The following FBN1 variants were observed in gnomAD, a reference collection of about 807,000 sequenced individuals.
The protein encoded by FBN1 is fibrillin-1.
In FBN1, 29 loss-of-function variants were observed where a neutral mutation model predicts 365.1. The observed-to-expected ratio is 0.08, with a 90% CI of 0.06 to 0.11. The LOEUF (loss-of-function observed/expected upper bound fraction) is 0.11. Ranked by LOEUF, FBN1 falls within the 10% of genes least tolerant of loss-of-function variation. The probability of loss-of-function intolerance (pLI) is 1.00; values close to 1 mark genes in which losing one functional copy is unlikely to be tolerated. For missense variants in FBN1, 2,476 were observed against 3,703.2 expected (o/e 0.67, Z 8.60); for synonymous variants, 1,210 against 1,270.5 (o/e 0.95, Z 1.01).
chr15:48,527,275 G>A (rs2043922774), intron 8 of FBN1, among the ~76,000 whole-genome samples: 1 of 152,172 alleles, frequency 6.6e-6, no homozygotes, highest in South Asian at 2.1e-4. Flanking sequence ...ATTCCCTTAG[G>A]ACAAATATGG....
chr15:48,616,923 T>C (rs1409919386), intron 2 of FBN1, among the ~76,000 whole-genome samples: 1 of 152,168 alleles, frequency 6.6e-6, no homozygotes, highest in Non-Finnish European at 1.5e-5. Flanking sequence ...AAAAAAACTA[T>C]GGCTTAAGAA....
At chr15:48,580,846 G>A (rs899965838) in intron 6 of FBN1, among the ~76,000 whole-genome samples, 8 of 152,086 alleles carry the variant, frequency 5.3e-5, no homozygotes, top group African/African-American at 1.4e-4. Context: ...AGAGATAAAC[G>A]AAAGCCAATT....
intron 2 of FBN1, among the ~76,000 whole-genome samples, chr15:48,634,751 G>A (rs539511731): frequency 4.9e-5 from 7 of 143,690 alleles, no homozygotes; most frequent in South Asian, 2.3e-4. Flanking sequence ...AAAAGAAGAT[G>A]AAACAATGAT....
In FBN1 at chr15:48,487,078, C is replaced by T. The variant is rs1352765609; in HGVS notation, c.3586G>A (p.Val1196Ile). 8 of 1,592,218 alleles carry T rather than the reference C, an allele frequency of 5.0e-6. No homozygotes were observed. The highest frequency in any genetic ancestry group is 6.0e-6 in the Non-Finnish European group (7 of 1,169,892). Residue 1196 changes from valine to isoleucine, a missense_variant, in exon 29 of 66, where the codon GTT becomes ATT. By Grantham distance (29) the Val-to-Ile change is conservative. Transcript: ENST00000316623. The part of the protein sequence containing the change: ...YHSTPDRLFC[V>I]DIDECSIMNG... ...AATAAAATAAAAAAGAACTTACCAA[C>T]ACAAAATAGCCTATCGGGAGTTGAA... is the stretch of plus-strand genomic sequence containing the variant.
chr15:48,605,663 A>G (rs528828906), intron 4 of FBN1, among the ~76,000 whole-genome samples: 2 of 152,338 alleles, frequency 1.3e-5, no homozygotes, highest in East Asian at 3.9e-4. Context: ...GCTTGAGCTC[A>G]GGAGTTCAAG....
chr15:48,520,794 T>G lies in FBN1; in HGVS notation c.1012A>C (p.Thr338Pro), dbSNP rs2043847393. ...GAGCAGCGCCCGTTTGTCAGAGCTGTGTAACAGTATCCTGGGCGAACATCT... is the reference window on the plus strand; with the variant it reads ...GAGCAGCGCCCGTTTGTCAGAGCTGGGTAACAGTATCCTGGGCGAACATCT... ...CIDVRPGYCY[T>P]ALTNGRCSNQ... The change falls in exon 10 of 66, where the codon ACA (threonine) becomes CCA (proline). Residue 338 changes from threonine to proline, a missense_variant. Coordinates refer to ENST00000316623, the MANE Select transcript of FBN1 (RefSeq NM_000138.5). The G allele has an allele frequency of 6.2e-7, 1 of 1,614,058 alleles. No homozygotes were observed. Among genetic ancestry groups the G allele is most frequent in the Non-Finnish European group, 8.5e-7 (1 of 1,180,046 alleles).
intron 16 of FBN1, 41 bp downstream of exon 16, chr15:48,504,984 G>A (rs772256936): frequency 6.2e-7 from 1 of 1,613,804 alleles, no homozygotes; most frequent in Non-Finnish European, 8.5e-7. Context: ...AGTGACAGAG[G>A]CTGAACCTCT....
At position 48,520,810 on chromosome 15, in the gene FBN1, G is replaced by A; in HGVS notation, c.996C>T (p.Arg332=). 1 of 1,614,114 alleles carries A rather than the reference G, an allele frequency of 6.2e-7. No homozygotes were observed. The highest frequency in any genetic ancestry group is 8.5e-7 in the Non-Finnish European group (1 of 1,180,016). The stretch of plus-strand genomic sequence containing the variant: ...TCAGAGCTGTGTAACAGTATCCTGG[G>A]CGAACATCTGAGGACAAAGAAACAC... ...SPDGTRCIDV[R]PGYCYTALTN... Residue 332 remains arginine (R), a synonymous_variant, in exon 10 of 66, where the codon CGC becomes CGT. Coordinates refer to ENST00000316623, the MANE Select transcript of FBN1 (RefSeq NM_000138.5).
chr15:48,644,617 G>A lies in FBN1; in HGVS notation c.153C>T (p.Asp51=), dbSNP rs1057524406. ...ACCGGTTCCTTTACCCTTTAAGCGC[G>A]TCGTGTCCTCCACCGCCTCTTCTCT... is the stretch of plus-strand genomic sequence containing the variant. ...RAKRRGGGGH[D]ALKGPNVCGS... is the part of the protein sequence containing the mutation. Residue 51 remains aspartate, a synonymous_variant, in exon 2 of 66, where the codon GAC becomes GAT. Transcript: ENST00000316623. 6.2e-7 allele frequency: 1 copy of A among 1,614,120 alleles called. No individual in the cohort carries two copies. Among genetic ancestry groups the A allele is most frequent in the East Asian group, 2.2e-5 (1 of 44,872 alleles).
chr15:48,452,688 C>T lies in FBN1; in HGVS notation c.5423-4G>A, dbSNP rs377036485. 98 of 1,614,022 alleles carry T rather than the reference C, an allele frequency of 6.1e-5. No individual in the cohort carries two copies. The African/African-American group carries it at 1.1e-3, about 18-fold the overall frequency. On this transcript the variant is annotated splice_region_variant and splice_polypyrimidine_tract_variant and intron_variant, in intron 44 of 65. Coordinates refer to ENST00000316623, the MANE Select transcript of FBN1 (RefSeq NM_000138.5). ...CCGTTCTGACACTCGTCAATATCTA[C>T]GAGCAGAAGAGAACTGAATTTGAAG...
rs146469379 is a variant in FBN1, at chr15:48,415,560, G to A, written c.8027C>T (p.Pro2676Leu). 2.3e-5 allele frequency: 37 copies of A among 1,614,104 alleles called. No individual in the cohort carries two copies. The African/African-American group carries it at 4.0e-4, about 17-fold the overall frequency. The change falls in exon 64 of 66, where the codon CCT (proline) becomes CTT (leucine). Residue 2676 changes from proline to leucine, a missense_variant. By Grantham distance (98) the Pro-to-Leu change is moderately conservative. Transcript: ENST00000316623. Reference sequence around the variant, plus strand: ...CCCTTGGCCTATGCGGAAGTAACCAGGTGGACAGCCACACAGGTAACCGCC... The same window carrying A: ...CCCTTGGCCTATGCGGAAGTAACCAAGTGGACAGCCACACAGGTAACCGCC... Reference protein sequence around the residue: ...TEGGYLCGCPPGYFRIGQGHC... With the variant: ...TEGGYLCGCPLGYFRIGQGHC...
At chr15:48,497,180 G>T in intron 19 of FBN1, 86 bp downstream of exon 19, 2 of 1,515,636 alleles carry the variant, frequency 1.3e-6, no homozygotes, top group Non-Finnish European at 1.8e-6. Flanking sequence ...AGTCCTCTAA[G>T]CTACTCAAAG....
At chr15:48,430,587 A>G (rs2141232322) in intron 56 of FBN1, 84 bp downstream of exon 56, 2 of 1,521,666 alleles carry the variant, frequency 1.3e-6, no homozygotes, top group Admixed American at 1.7e-5. Context: ...CAAGAACAGT[A>G]TCCCAAGAAC....
At position 48,459,027 on chromosome 15, in the gene FBN1, C is replaced by T. The variant is rs572072356; in HGVS notation, c.5296+1219G>A. On this transcript the variant is annotated intron_variant, in intron 43 of 65. Transcript: ENST00000316623. ...ATTAGCTGGGTGGCCTTGGGTGAGT[C>T]CCTTCCCCTCTCTGGGCCTCTGTCT... Among the ~76,000 whole-genome samples the T allele has an allele frequency of 6.6e-5, 10 of 152,328 alleles. No homozygotes were observed. The South Asian group carries it at 2.1e-3, about 32-fold the overall frequency.
At chr15:48,436,057 T>C (rs2043069906) in intron 53 of FBN1, among the ~76,000 whole-genome samples, 4 of 152,134 alleles carry the variant, frequency 2.6e-5, no homozygotes. Flanking sequence ...TCATTTCATA[T>C]GCACATATTA....
At chr15:48,599,012 G>A (rs1246265528) in intron 5 of FBN1, among the ~76,000 whole-genome samples, 1 of 152,092 alleles carries the variant, frequency 6.6e-6, no homozygotes, top group African/African-American at 2.4e-5. Flanking sequence ...GACGTGACTT[G>A]TTGCTCCCTG....
intron 2 of FBN1, among the ~76,000 whole-genome samples, chr15:48,618,664 A>C (rs1889706745): frequency 6.6e-6 from 1 of 152,232 alleles, no homozygotes; most frequent in Non-Finnish European, 1.5e-5. Context: ...GTAACGGTCC[A>C]TGTCCTGTTA....
chr15:48,629,017 T>A (rs1889937399), intron 2 of FBN1, among the ~76,000 whole-genome samples: 1 of 152,172 alleles, frequency 6.6e-6, no homozygotes, highest in African/African-American at 2.4e-5. Context: ...AATGCAGTCA[T>A]CACTGGACTG....
At chr15:48,636,393 C>A (rs959870996) in intron 2 of FBN1, among the ~76,000 whole-genome samples, 2 of 152,122 alleles carry the variant, frequency 1.3e-5, no homozygotes, top group Non-Finnish European at 2.9e-5. Flanking sequence ...AGCCCCCAGC[C>A]CTTCGAGTTA....
Sources: gnomAD v4.1 joint callset for allele counts (sites outside exome capture counted in the v4.1 genomes callset) on GRCh38, gnomAD v4.1.1 for gene constraint, MANE v1.5 for transcripts, NCBI Gene and HGNC (gene_info 2026-07-23, HGNC 2026-07-21) for gene names.